TANC2: variants seen among roughly 807,000 people sequenced by gnomAD.
The protein encoded by TANC2 is protein TANC2.
Under a neutral mutation model 210.5 loss-of-function variants are expected in TANC2, and 26 were observed. The observed-to-expected ratio is 0.12, with a 90% CI of 0.09 to 0.17. The LOEUF (loss-of-function observed/expected upper bound fraction) is 0.17. Ranked by LOEUF, TANC2 falls within the 10% of genes least tolerant of loss-of-function variation. The pLI is 1.00. For missense variants in TANC2, 2,129 were observed against 2,608.9 expected (o/e 0.82, Z 4.01); for synonymous variants, 931 against 967.1 (o/e 0.96, Z 0.69).
chr17:63,378,447 T>C (rs1048842701), intron 14 of TANC2, among the ~76,000 whole-genome samples: 1 of 152,294 alleles, frequency 6.6e-6, no homozygotes, highest in African/African-American at 2.4e-5. Context: ...AACAGAAATC[T>C]ATTACCTCAT....
chr17:63,077,422 A>C (rs1217413303), intron 3 of TANC2, among the ~76,000 whole-genome samples: 1 of 152,200 alleles, frequency 6.6e-6, no homozygotes, highest in Non-Finnish European at 1.5e-5. Flanking sequence ...AGAGACAGGA[A>C]AGTCAATAAA....
chr17:63,000,404 T>C (rs1238784793), intron 1 of TANC2, among the ~76,000 whole-genome samples: 1 of 152,200 alleles, frequency 6.6e-6, no homozygotes, highest in Admixed American at 6.5e-5. Context: ...GCTTTAAATA[T>C]ACAGGAGGGA....
At chr17:63,192,381 A>G (rs909782889) in intron 5 of TANC2, among the ~76,000 whole-genome samples, 1 of 152,254 alleles carries the variant, frequency 6.6e-6, no homozygotes, top group Non-Finnish European at 1.5e-5. Flanking sequence ...GTAGTAATGT[A>G]GAAAGGGTTG....
intron 9 of TANC2, among the ~76,000 whole-genome samples, chr17:63,280,453 C>A (rs532648052): frequency 6.6e-6 from 1 of 151,990 alleles, no homozygotes; most frequent in South Asian, 2.1e-4. Context: ...ATCATATCTT[C>A]TTAATTATTG....
At chr17:63,372,034 C>A (rs2047283797) in intron 14 of TANC2, among the ~76,000 whole-genome samples, 2 of 152,152 alleles carry the variant, frequency 1.3e-5, no homozygotes, top group African/African-American at 4.8e-5. Flanking sequence ...GCATACTTAT[C>A]CAGCAAAGGG....
intron 4 of TANC2, among the ~76,000 whole-genome samples, chr17:63,099,653 T>A (rs1378545988): frequency 6.6e-6 from 1 of 152,200 alleles, no homozygotes; most frequent in Non-Finnish European, 1.5e-5. Flanking sequence ...TTGTTCTGAT[T>A]TCATTTATCA....
At chr17:62,988,747 C>T (rs9909151) in intron 1 of TANC2, among the ~76,000 whole-genome samples, 81,594 of 151,872 alleles carry the variant, frequency 0.54, 23,464 homozygotes, top group African/African-American at 0.73. Flanking sequence ...TGATTCTCAC[C>T]GAGTATGATT....
In TANC2 at chr17:63,379,706, C is replaced by T; in HGVS notation, c.2583-12C>T. 1 of 1,567,898 alleles carries T rather than the reference C, an allele frequency of 6.4e-7. No homozygotes were observed. The highest frequency in any genetic ancestry group is 8.6e-7 in the Non-Finnish European group (1 of 1,157,888). On this transcript the variant is annotated splice_polypyrimidine_tract_variant and intron_variant, in intron 14 of 27. Transcript: ENST00000689528. ...AATTAATTAATTAAAATGAATTTCT[C>T]TTTTTTTGCAGGAGTGGTCACACGT...
At chr17:63,152,494 C>T (rs1422694314) in intron 5 of TANC2, 1 of 152,074 alleles carries the variant, frequency 6.6e-6, no homozygotes, top group Non-Finnish European at 1.5e-5. Context: ...TTCATCCACT[C>T]TTATAGATAA....
chr17:63,404,165 A>G (rs1462120658), intron 19 of TANC2, among the ~76,000 whole-genome samples: 3 of 152,200 alleles, frequency 2.0e-5, no homozygotes, highest in Non-Finnish European at 4.4e-5. Flanking sequence ...TAACTCCTAC[A>G]TGTTCTAACA....
At chr17:63,256,719 A>G (rs1285509171) in intron 8 of TANC2, among the ~76,000 whole-genome samples, 1 of 152,136 alleles carries the variant, frequency 6.6e-6, no homozygotes, top group Admixed American at 6.5e-5. Flanking sequence ...ATTGTATTCA[A>G]ATCTGTCTAT....
intron 5 of TANC2, among the ~76,000 whole-genome samples, chr17:63,178,810 T>C (rs535539951): frequency 1.2e-4 from 19 of 152,312 alleles, no homozygotes; most frequent in African/African-American, 3.8e-4. Context: ...ACTAGAGATA[T>C]AGTGTTTGTG....
intron 9 of TANC2, among the ~76,000 whole-genome samples, chr17:63,302,280 A>C (rs942973089): frequency 6.6e-6 from 1 of 152,056 alleles, no homozygotes; most frequent in African/African-American, 2.4e-5. Context: ...AGTTCTGTAG[A>C]TGTCTATCAC....
chr17:63,330,003 C>T (rs893915589), intron 11 of TANC2, among the ~76,000 whole-genome samples: 6 of 152,138 alleles, frequency 3.9e-5, no homozygotes, highest in Non-Finnish European at 2.9e-5. Flanking sequence ...GGGAAAAGTT[C>T]TTGAAGGAAA....
chr17:63,394,662 A>G (rs1008815941), intron 17 of TANC2, among the ~76,000 whole-genome samples: 13 of 152,208 alleles, frequency 8.5e-5, no homozygotes, highest in African/African-American at 3.1e-4. Flanking sequence ...GAATACATTA[A>G]TCATTTTCCA....
intron 12 of TANC2, among the ~76,000 whole-genome samples, chr17:63,348,304 C>G (rs535676865): frequency 3.3e-5 from 5 of 152,094 alleles, no homozygotes; most frequent in African/African-American, 4.8e-5. Flanking sequence ...TAGAGTCTTA[C>G]AATGGAACTA....
chr17:63,332,447 G>T, intron 11 of TANC2: 2 of 385,018 alleles, frequency 5.2e-6, no homozygotes, highest in South Asian at 4.4e-5. Flanking sequence ...TGCAATAAAG[G>T]ACTCAAAGTG....
chr17:63,322,669 A>G (rs2045533111), intron 11 of TANC2, among the ~76,000 whole-genome samples: 1 of 152,222 alleles, frequency 6.6e-6, no homozygotes, highest in Non-Finnish European at 1.5e-5. Context: ...TCCTGCTGTT[A>G]TACAGTCCAC....
intron 11 of TANC2, among the ~76,000 whole-genome samples, chr17:63,327,613 T>C (rs2045692338): frequency 6.6e-6 from 1 of 152,138 alleles, no homozygotes; most frequent in Non-Finnish European, 1.5e-5. Flanking sequence ...TATATATAAA[T>C]ATAAAGACAT....
Sources: gnomAD v4.1 joint callset for allele counts (sites outside exome capture counted in the v4.1 genomes callset) on GRCh38, gnomAD v4.1.1 for gene constraint, MANE v1.5 for transcripts, NCBI Gene and HGNC (gene_info 2026-07-23, HGNC 2026-07-21) for gene names.